CTNNA2: variants seen among roughly 807,000 people sequenced by gnomAD.
The protein encoded by CTNNA2 is catenin alpha 2.
CTNNA2 carries 42 observed loss-of-function variants against 101.0 expected under a neutral mutation model. The observed-to-expected ratio is 0.42, with a 90% CI of 0.32 to 0.54. The LOEUF is 0.54. Among genes scored for constraint, CTNNA2 ranks in the 20% least tolerant of loss-of-function variants. The pLI, the probability that CTNNA2 is intolerant of heterozygous loss-of-function variation, is 0.14. For synonymous variants in CTNNA2, 450 were observed against 456.4 expected (o/e 0.99, Z 0.18); for missense variants, 871 against 1,223.1 (o/e 0.71, Z 4.29).
chr2:79,612,112 T>G (rs933408959), intron 1 of CTNNA2, among the ~76,000 whole-genome samples: 1 of 152,124 alleles, frequency 6.6e-6, no homozygotes, highest in Non-Finnish European at 1.5e-5. Flanking sequence ...TTAGCAACTG[T>G]TTGATTATTT....
chr2:79,305,676 T>C (rs1203876134), intron 2 of CTNNA2, among the ~76,000 whole-genome samples: 1 of 152,100 alleles, frequency 6.6e-6, no homozygotes, highest in Non-Finnish European at 1.5e-5. Context: ...CACCTGTCAA[T>C]ATAGGTTAAC....
In CTNNA2 at chr2:80,010,791, G is replaced by T. The variant is rs531485620; in HGVS notation, c.1056+100994G>T. Among the ~76,000 whole-genome samples the T allele has an allele frequency of 7.9e-5, 12 of 152,006 alleles. No homozygotes were observed. In the South Asian group the frequency reaches 2.1e-3, roughly 26 times the overall value. ...GAAAATTCTCCACATTTCATTTTCA[G>T]CATTGTCTTTTGGAAAAATAGTGGG... On this transcript the variant is annotated intron_variant, in intron 7 of 18. Coordinates refer to ENST00000402739, the MANE Select transcript of CTNNA2 (RefSeq NM_001282597.3).
At chr2:79,538,121 A>G (rs1431798296) in intron 1 of CTNNA2, among the ~76,000 whole-genome samples, 1 of 152,200 alleles carries the variant, frequency 6.6e-6, no homozygotes. Flanking sequence ...TTTGTAAAAA[A>G]CAAAGATAAA....
intron 1 of CTNNA2, among the ~76,000 whole-genome samples, chr2:79,563,188 T>TATATATATA (rs1491331448): frequency 2.1e-4 from 9 of 42,312 alleles, no homozygotes; most frequent in East Asian, 2.0e-3. Flanking sequence ...TATATATATA[T>TATATATATA]TTTCCTTCAT....
At chr2:79,339,542 T>A (rs1170240452) in intron 3 of CTNNA2, 1 of 152,196 alleles carries the variant, frequency 6.6e-6, no homozygotes, top group Non-Finnish European at 1.5e-5. Flanking sequence ...TTCAAATGAT[T>A]TTTACAATGT....
upstream of CTNNA2, chr2:79,512,934 C>G (rs1194427156): frequency 6.6e-6 from 1 of 151,678 alleles, no homozygotes; most frequent in Non-Finnish European, 1.5e-5. Flanking sequence ...GCTGCCTCCC[C>G]TAGCGGCGAT....
intron 3 of CTNNA2, among the ~76,000 whole-genome samples, chr2:79,782,293 A>G (rs1406041289): frequency 2.0e-5 from 3 of 151,904 alleles, no homozygotes; most frequent in South Asian, 2.1e-4. Flanking sequence ...TTGGAGTGCA[A>G]TGGCACAGTC....
At chr2:80,180,102 C>T (rs888797314) in intron 7 of CTNNA2, among the ~76,000 whole-genome samples, 3 of 152,200 alleles carry the variant, frequency 2.0e-5, no homozygotes, top group Non-Finnish European at 2.9e-5. Flanking sequence ...GATCATTTCC[C>T]TTTCCCCAGT....
At position 80,584,711 on chromosome 2, in the gene CTNNA2, A is replaced by G. The variant is rs549179998; in HGVS notation, c.2007+2892A>G. On this transcript the variant is annotated intron_variant, in intron 14 of 18. Transcript: ENST00000402739. The stretch of plus-strand genomic sequence containing the variant: ...AACTTTCTTAACCTCTCCACACTTC[A>G]TCTCCTCGTATGCTACCACATAAGG... Among the ~76,000 whole-genome samples the G allele has an allele frequency of 2.0e-5, 3 of 152,172 alleles. No homozygotes were observed. The East Asian group carries it at 5.8e-4, about 29-fold the overall frequency.
intron 18 of CTNNA2, among the ~76,000 whole-genome samples, chr2:80,641,227 T>G (rs1673445779): frequency 6.6e-6 from 1 of 152,206 alleles, no homozygotes; most frequent in African/African-American, 2.4e-5. Context: ...ACCTTCCAGA[T>G]GGATTTGGCT....
chr2:79,613,351 GT>G (rs754334641), intron 1 of CTNNA2, among the ~76,000 whole-genome samples: 83 of 141,748 alleles, frequency 5.9e-4, no homozygotes, highest in Middle Eastern at 3.6e-3. Flanking sequence ...GTATTCTTTG[GT>G]TTTTTTTTTT....
At chr2:79,497,831 A>G (rs1390832063) in intron 4 of CTNNA2, among the ~76,000 whole-genome samples, 1 of 152,178 alleles carries the variant, frequency 6.6e-6, no homozygotes, top group Non-Finnish European at 1.5e-5. Context: ...TATTAACTTT[A>G]TATATAAATT....
chr2:79,461,514 G>A (rs770718474), intron 4 of CTNNA2, among the ~76,000 whole-genome samples: 8 of 152,100 alleles, frequency 5.3e-5, no homozygotes, highest in Non-Finnish European at 8.8e-5. Context: ...AGTCCTTGAA[G>A]AAGCAGGAAC....
intron 7 of CTNNA2, among the ~76,000 whole-genome samples, chr2:80,217,127 C>T (rs773347427): frequency 6.6e-6 from 1 of 152,042 alleles, no homozygotes; most frequent in African/African-American, 2.4e-5. Context: ...CCACCGAGCC[C>T]AGCCTATTTC....
At chr2:79,352,136 A>C (rs1191784082) in intron 3 of CTNNA2, among the ~76,000 whole-genome samples, 1 of 152,084 alleles carries the variant, frequency 6.6e-6, no homozygotes, top group African/African-American at 2.4e-5. Context: ...GTGAGATGAT[A>C]TCTCGTTGTT....
chr2:79,737,331 GGAGT>G lies in CTNNA2; in HGVS notation c.103-7052_103-7049del, dbSNP rs1331843004. On this transcript the variant is annotated intron_variant, in intron 2 of 18. Coordinates refer to ENST00000402739, the MANE Select transcript of CTNNA2 (RefSeq NM_001282597.3). ...GCCACCACTCTCCAGCCTGGGCAAC[GGAGT>G]GAGACTCCGTCTCAAAAAAAAAAAA... is the stretch of plus-strand genomic sequence containing the variant. Among the ~76,000 whole-genome samples, 5 of 150,684 alleles carry G rather than the reference GGAGT, an allele frequency of 3.3e-5. No individual in the cohort carries two copies. The East Asian group carries it at 9.8e-4, about 29-fold the overall frequency.
At chr2:80,615,184 A>G (rs1257452840) in intron 17 of CTNNA2, among the ~76,000 whole-genome samples, 1 of 151,574 alleles carries the variant, frequency 6.6e-6, no homozygotes, top group East Asian at 1.9e-4. Context: ...TAAAAATAAG[A>G]TAGAATCCAT....
chr2:79,934,329 T>C (rs1390168833), intron 7 of CTNNA2, among the ~76,000 whole-genome samples: 2 of 152,258 alleles, frequency 1.3e-5, no homozygotes, highest in African/African-American at 4.8e-5. Flanking sequence ...TGCACCAATC[T>C]AATAATATCA....
intron 7 of CTNNA2, among the ~76,000 whole-genome samples, chr2:80,339,327 G>T (rs1239051900): frequency 6.6e-6 from 1 of 152,006 alleles, no homozygotes; most frequent in African/African-American, 2.4e-5. Context: ...GTGGTTTATG[G>T]CACTGACCTA....
Sources: gnomAD v4.1 joint callset for allele counts (sites outside exome capture counted in the v4.1 genomes callset) on GRCh38, gnomAD v4.1.1 for gene constraint, MANE v1.5 for transcripts, NCBI Gene and HGNC (gene_info 2026-07-23, HGNC 2026-07-21) for gene names.